Variants in MGAT4C observed in about 807,000 individuals in gnomAD.
MGAT4C encodes alpha-1,3-mannosyl-glycoprotein 4-beta-N-acetylglucosaminyltransferase C.
In MGAT4C, 19 loss-of-function variants were observed where a neutral mutation model predicts 40.1. The observed-to-expected ratio is 0.47, with a 90% CI of 0.33 to 0.70. The LOEUF is 0.70. MGAT4C is among the 30% of genes least tolerant of loss of function. The pLI is 0.02. For synonymous variants in MGAT4C, 181 were observed against 187.1 expected, an observed-to-expected ratio of 0.97 and a Z score of 0.27; for missense variants, 491 against 563.2, an observed-to-expected ratio of 0.87 and a Z score of 1.30.
intron 2 of MGAT4C, among the ~76,000 whole-genome samples, chr12:86,036,847 G>A (rs113481270): frequency 0.087 from 13,032 of 149,676 alleles, 1,514 homozygotes; most frequent in African/African-American, 0.24. Context: ...TCTATTGTTT[G>A]GAATAGTTTC....
chr12:86,571,960 C>A (rs1412074444), intron 2 of MGAT4C, among the ~76,000 whole-genome samples: 1 of 152,020 alleles, frequency 6.6e-6, no homozygotes, highest in African/African-American at 2.4e-5. Flanking sequence ...TCTAGAATTT[C>A]TTTTACTTTT....
At chr12:86,665,349 C>T (rs1593093816) in intron 2 of MGAT4C, among the ~76,000 whole-genome samples, 1 of 152,028 alleles carries the variant, frequency 6.6e-6, no homozygotes, top group African/African-American at 2.4e-5. Context: ...ATTATAGACA[C>T]ATGATTGTGT....
chr12:86,728,554 A>T (rs1950860186), intron 1 of MGAT4C, among the ~76,000 whole-genome samples: 1 of 152,092 alleles, frequency 6.6e-6, no homozygotes, highest in Admixed American at 6.6e-5. Flanking sequence ...AGCCTGGCAT[A>T]GTGGCGAGCA....
intron 2 of MGAT4C, among the ~76,000 whole-genome samples, chr12:86,435,905 T>C (rs1374851612): frequency 6.6e-6 from 1 of 151,838 alleles, no homozygotes; most frequent in Non-Finnish European, 1.5e-5. Flanking sequence ...TTTTAAACAT[T>C]CAATATTTCT....
At chr12:86,829,685 G>C (rs1952880538) in intron 1 of MGAT4C, among the ~76,000 whole-genome samples, 1 of 151,130 alleles carries the variant, frequency 6.6e-6, no homozygotes, top group African/African-American at 2.4e-5. Flanking sequence ...ATGTTTTGGA[G>C]GCATAAGTGT....
intron 1 of MGAT4C, among the ~76,000 whole-genome samples, chr12:86,154,393 G>A (rs1361125316): frequency 6.6e-6 from 1 of 152,142 alleles, no homozygotes; most frequent in African/African-American, 2.4e-5. Flanking sequence ...ATTGGGAGTG[G>A]GCTGCCTTTC....
chr12:86,534,003 T>C (rs1226933102), intron 2 of MGAT4C, among the ~76,000 whole-genome samples: 2 of 152,114 alleles, frequency 1.3e-5, no homozygotes, highest in Non-Finnish European at 2.9e-5. Flanking sequence ...CTGAAGGAAG[T>C]TGAGGTATTT....
Position 86,365,403 on chromosome 12 carries a change from A to G in MGAT4C, c.-119-31276T>C, listed in dbSNP as rs560411990. Among the ~76,000 whole-genome samples the G allele has an allele frequency of 4.6e-5, 7 of 152,270 alleles. No homozygotes were observed. In the South Asian group the frequency reaches 1.2e-3, roughly 27 times the overall value. On this transcript the variant is annotated intron_variant, in intron 3 of 7. Coordinates refer to the MGAT4C transcript ENST00000548651. ...GCAATCATCACAGGGGCCTGAGGCA[A>G]CATACATCCTCCCCAGCTTACGAGG...
chr12:86,413,777 G>A (rs1251242483), intron 3 of MGAT4C, among the ~76,000 whole-genome samples: 1 of 152,158 alleles, frequency 6.6e-6, no homozygotes, highest in Non-Finnish European at 1.5e-5. Flanking sequence ...AGTGTGTGCG[G>A]TTTTATTTTG....
At chr12:86,286,343 C>T (rs1953351944) in intron 4 of MGAT4C, among the ~76,000 whole-genome samples, 1 of 152,112 alleles carries the variant, frequency 6.6e-6, no homozygotes, top group South Asian at 2.1e-4. Flanking sequence ...AGTAAGTGGC[C>T]ATGCACTATG....
intron 2 of MGAT4C, among the ~76,000 whole-genome samples, chr12:86,493,582 G>A (rs1394625862): frequency 6.6e-6 from 1 of 151,196 alleles, no homozygotes; most frequent in Non-Finnish European, 1.5e-5. Context: ...TCACTCATAG[G>A]TGGGAATTGA....
At chr12:86,630,910 C>T (rs1015041991) in intron 2 of MGAT4C, among the ~76,000 whole-genome samples, 6 of 152,084 alleles carry the variant, frequency 3.9e-5, no homozygotes, top group African/African-American at 1.4e-4. Flanking sequence ...CCGGGGCAAT[C>T]AGGCAAGAGA....
exon 1 of MGAT4C, chr12:86,838,782 C>T (rs1953091977): frequency 6.6e-6 from 1 of 152,162 alleles, no homozygotes; most frequent in Non-Finnish European, 1.5e-5. Context: ...GCTCAGTTCT[C>T]CAGAAGAAAA....
intron 4 of MGAT4C, among the ~76,000 whole-genome samples, chr12:86,269,285 A>G (rs1447869594): frequency 6.6e-6 from 1 of 151,194 alleles, no homozygotes; most frequent in Non-Finnish European, 1.5e-5. Context: ...TACCTCATCT[A>G]CATATTTGTC....
chr12:86,235,080 T>C lies in MGAT4C; in HGVS notation c.-57+21159A>G, dbSNP rs17013814. On this transcript the variant is annotated intron_variant, in intron 1 of 4. Transcript: ENST00000611864. ...TATAAAACAAACAAAACCTCTCTTATTCCATTGCTGGGTTAGTTCATACAT... is the reference window on the plus strand; with the variant it reads ...TATAAAACAAACAAAACCTCTCTTACTCCATTGCTGGGTTAGTTCATACAT... 3.3e-3 allele frequency among the ~76,000 whole-genome samples: 508 copies of C among 152,208 alleles called. 1 individual carries two copies. The highest frequency in any genetic ancestry group is 0.012 in the African/African-American group (486 of 41,558).
At chr12:85,993,956 G>A (rs1886292861) in intron 2 of MGAT4C, among the ~76,000 whole-genome samples, 1 of 151,020 alleles carries the variant, frequency 6.6e-6, no homozygotes, top group Non-Finnish European at 1.5e-5. Flanking sequence ...GTCCTTCCAG[G>A]GTCCTCAAGG....
chr12:86,276,662 A>G (rs2136113135), intron 4 of MGAT4C, among the ~76,000 whole-genome samples: 1 of 152,294 alleles, frequency 6.6e-6, no homozygotes, highest in South Asian at 2.1e-4. Flanking sequence ...TTTACCTCCT[A>G]CAAATGAGTG....
chr12:86,775,292 G>C (rs1951731078), intron 1 of MGAT4C, among the ~76,000 whole-genome samples: 2 of 151,874 alleles, frequency 1.3e-5, no homozygotes, highest in Admixed American at 1.3e-4. Flanking sequence ...ATAAAGCCAT[G>C]TGGATGAACA....
chr12:86,246,590 A>G (rs570538303), intron 1 of MGAT4C, among the ~76,000 whole-genome samples: 15 of 152,294 alleles, frequency 9.8e-5, no homozygotes, highest in African/African-American at 3.4e-4. Context: ...AAACGTAGCT[A>G]TATGTTCTAT....
Sources: gnomAD v4.1 joint callset for allele counts (sites outside exome capture counted in the v4.1 genomes callset) on GRCh38, gnomAD v4.1.1 for gene constraint, MANE v1.5 for transcripts, NCBI Gene and HGNC (gene_info 2026-07-23, HGNC 2026-07-21) for gene names.